Variants in PRR5L observed in about 807,000 individuals in gnomAD.
PRR5L encodes the protein proline-rich protein 5-like.
PRR5L carries 21 observed loss-of-function variants against 36.4 expected under a neutral mutation model. That is an observed-to-expected ratio of 0.58 (90% confidence interval 0.41 to 0.83). The LOEUF is 0.83. Ranked by LOEUF, PRR5L falls within the 40% of genes least tolerant of loss-of-function variation. PRR5L has a pLI of 0.00. For missense variants in PRR5L, 381 were observed against 473.3 expected (o/e 0.80, Z 1.81); for synonymous variants, 188 against 197.0 (o/e 0.95, Z 0.38).
At chr11:36,306,075 C>G (rs1856428169) in intron 1 of PRR5L, among the ~76,000 whole-genome samples, 1 of 151,934 alleles carries the variant, frequency 6.6e-6, no homozygotes, top group Non-Finnish European at 1.5e-5. Flanking sequence ...GAATAGTACT[C>G]CATTATGTAT....
At chr11:36,298,426 C>T (rs1856337326) in intron 1 of PRR5L, among the ~76,000 whole-genome samples, 1 of 152,018 alleles carries the variant, frequency 6.6e-6, no homozygotes, top group African/African-American at 2.4e-5. Context: ...TTAGACAGTC[C>T]CATATGGGGG....
chr11:36,423,295 G>T (rs958690046), intron 4 of PRR5L, among the ~76,000 whole-genome samples: 9 of 152,298 alleles, frequency 5.9e-5, no homozygotes, highest in South Asian at 4.1e-4. Context: ...TTTTCCATTT[G>T]CTGCTCATAT....
chr11:36,400,921 G>C (rs1649876376), intron 1 of PRR5L, 76 bp from the exon 2 acceptor site: 1 of 1,230,182 alleles, frequency 8.1e-7, no homozygotes, highest in Non-Finnish European at 1.1e-6. Flanking sequence ...AGTTAGGCTG[G>C]AAAGTCCCAG....
intron 1 of PRR5L, among the ~76,000 whole-genome samples, chr11:36,301,749 C>T (rs1344285791): frequency 6.6e-6 from 1 of 152,142 alleles, no homozygotes; most frequent in Non-Finnish European, 1.5e-5. Context: ...TGCAATGGAG[C>T]AGGAAGACCC....
intron 1 of PRR5L, among the ~76,000 whole-genome samples, chr11:36,350,732 T>C (rs1856921298): frequency 6.6e-6 from 1 of 150,944 alleles, no homozygotes; most frequent in Non-Finnish European, 1.5e-5. Context: ...ACTGTATCAT[T>C]CTTATGCCTT....
chr11:36,404,702 T>A (rs1857874063), intron 3 of PRR5L, among the ~76,000 whole-genome samples: 1 of 152,236 alleles, frequency 6.6e-6, no homozygotes, highest in African/African-American at 2.4e-5. Flanking sequence ...TTACTGTTAG[T>A]TAAGGCCTGC....
chr11:36,374,610 G>A (rs1325251094), intron 1 of PRR5L, among the ~76,000 whole-genome samples: 1 of 152,156 alleles, frequency 6.6e-6, no homozygotes, highest in African/African-American at 2.4e-5. Context: ...CCCTGCAGCC[G>A]GGTAGAACTA....
intron 6 of PRR5L, among the ~76,000 whole-genome samples, chr11:36,442,696 A>G (rs752967901): frequency 1.3e-5 from 2 of 152,132 alleles, no homozygotes; most frequent in Non-Finnish European, 2.9e-5. Flanking sequence ...AACCTCCCAC[A>G]AATCCCCCGG....
chr11:36,303,458 C>A (rs971222274), intron 1 of PRR5L, among the ~76,000 whole-genome samples: 1 of 152,238 alleles, frequency 6.6e-6, no homozygotes, highest in African/African-American at 2.4e-5. Context: ...CTGTGAGGAG[C>A]AGACTGTTGT....
intron 5 of PRR5L, 46 bp downstream of exon 5, chr11:36,431,956 T>C (rs746761): frequency 0.41 from 635,600 of 1,533,438 alleles, 134,440 homozygotes; most frequent in East Asian, 0.62. Context: ...TGTGACTCAG[T>C]CTTTGATGTC....
chr11:36,350,604 A>G (rs1014513900), intron 1 of PRR5L, among the ~76,000 whole-genome samples: 19 of 151,916 alleles, frequency 1.3e-4, no homozygotes, highest in Non-Finnish European at 1.6e-4. Context: ...TAAGTTCTTT[A>G]GTGGTGATTT....
intron 7 of PRR5L, among the ~76,000 whole-genome samples, chr11:36,448,013 C>T (rs778135493): frequency 6.6e-6 from 1 of 152,100 alleles, no homozygotes; most frequent in Non-Finnish European, 1.5e-5. Context: ...TAGTTTAGGG[C>T]TGAGAAGCGA....
intron 1 of PRR5L, among the ~76,000 whole-genome samples, chr11:36,389,802 G>A (rs1857529260): frequency 6.6e-6 from 1 of 152,058 alleles, no homozygotes; most frequent in African/African-American, 2.4e-5. Flanking sequence ...GGTAGAGACG[G>A]GGGTTTCGCC....
At chr11:36,414,478 T>G (rs546675041) in intron 3 of PRR5L, among the ~76,000 whole-genome samples, 1 of 148,430 alleles carries the variant, frequency 6.7e-6, no homozygotes, top group African/African-American at 2.5e-5. Context: ...TGCTGAGCAT[T>G]TTTTCATGTT....
intron 1 of PRR5L, among the ~76,000 whole-genome samples, chr11:36,333,704 A>T (rs150529145): frequency 1.3e-4 from 20 of 152,284 alleles, no homozygotes; most frequent in African/African-American, 4.8e-4. Flanking sequence ...TGGATCAGCG[A>T]TTGCCTCATT....
intron 1 of PRR5L, among the ~76,000 whole-genome samples, chr11:36,351,466 TA>T (rs1856952257): frequency 1.6e-5 from 1 of 60,658 alleles, no homozygotes; most frequent in Non-Finnish European, 2.7e-5. Context: ...TTTATATATT[TA>T]TATATACATA....
rs1382920057 is a variant in PRR5L, at chr11:36,464,381, T to G, written c.*1645T>G. The G allele has an allele frequency of 6.6e-6, 1 of 152,176 alleles. No homozygotes were observed. Among genetic ancestry groups the G allele is most frequent in the African/African-American group, 2.4e-5 (1 of 41,426 alleles). The allele number at this position is 152,176 out of a possible 1,614,324, so 9.4% of individuals were successfully genotyped here. On this transcript the variant is annotated 3_prime_UTR_variant, in exon 9 of 9. Coordinates refer to ENST00000530639, the MANE Select transcript of PRR5L (RefSeq NM_001160167.2). Reference sequence around the variant, plus strand: ...TGGCATTTCCCTTCTGAGTGAAGATTTGAAATATGATTGATTAGAATTGTG... The same window carrying G: ...TGGCATTTCCCTTCTGAGTGAAGATGTGAAATATGATTGATTAGAATTGTG...
chr11:36,395,800 T>C (rs1481731908), intron 1 of PRR5L, among the ~76,000 whole-genome samples: 1 of 152,152 alleles, frequency 6.6e-6, no homozygotes, highest in Non-Finnish European at 1.5e-5. Flanking sequence ...CAGCTCACTG[T>C]AACCTTGAAC....
intron 6 of PRR5L, among the ~76,000 whole-genome samples, chr11:36,442,198 A>G (rs571790198): frequency 2.0e-5 from 3 of 152,274 alleles, no homozygotes; most frequent in East Asian, 3.9e-4. Flanking sequence ...TCTTCACTGC[A>G]TGGCCAGGCT....
Sources: gnomAD v4.1 joint callset for allele counts (sites outside exome capture counted in the v4.1 genomes callset) on GRCh38, gnomAD v4.1.1 for gene constraint, MANE v1.5 for transcripts, NCBI Gene and HGNC (gene_info 2026-07-23, HGNC 2026-07-21) for gene names.